ATAD2: variants seen among roughly 807,000 people sequenced by gnomAD.
The protein encoded by ATAD2 is ATPase family AAA domain containing 2.
In ATAD2, 62 loss-of-function variants were observed where a neutral mutation model predicts 168.9. The observed-to-expected ratio is 0.37, with a 90% confidence interval of 0.30 to 0.45. The LOEUF is 0.45. Ranked by LOEUF, ATAD2 falls within the 20% of genes least tolerant of loss-of-function variation. The probability of loss-of-function intolerance (pLI) is 1.00; values close to 1 mark genes in which losing one functional copy is unlikely to be tolerated. For missense variants in ATAD2, 1,419 were observed against 1,667.8 expected (o/e 0.85, Z 2.60); for synonymous variants, 613 against 571.6 (o/e 1.07, Z -1.03).
chr8:123,368,540 T>C (rs1238181409), intron 8 of ATAD2, among the ~76,000 whole-genome samples: 2 of 152,038 alleles, frequency 1.3e-5, no homozygotes, highest in Non-Finnish European at 2.9e-5. Context: ...AAATATTGAA[T>C]AGTCAAAGAA....
At position 123,336,391 on chromosome 8, in the gene ATAD2, G is replaced by C; in HGVS notation, c.3193C>G (p.Pro1065Ala). Residue 1065 changes from proline (P) to alanine (A), a missense_variant, in exon 22 of 28, where the codon CCA (proline) becomes GCA (alanine). Pro to Ala is a conservative substitution (Grantham distance 27). Around this residue, in one of 5 missense-constraint regions of ATAD2, gnomAD observed 545 missense variants for 724.9 expected, o/e 0.75. Coordinates refer to ENST00000287394, the MANE Select transcript of ATAD2 (RefSeq NM_014109.4). ...LICSNALEYN[P>A]DRDPGDRLIR... ...TGCTCACCTCCAGGATCTCTATCTG[G>C]ATTGTATTCTAAGGCATTACTACAG... 1 of 1,580,230 alleles carries C rather than the reference G, an allele frequency of 6.3e-7. No homozygotes were observed. The highest frequency in any genetic ancestry group is 8.5e-7 in the Non-Finnish European group (1 of 1,169,962).
In ATAD2 at chr8:123,319,972, A is replaced by G. The variant is rs1827425247; in HGVS notation, c.*1162T>C. On this transcript the variant is annotated 3_prime_UTR_variant, in exon 28 of 28. Transcript: ENST00000287394. Reference sequence around the variant, plus strand: ...TAAACCAACAAAAATGAGAATGTGTATCTCCAGGAATATAAATATATTTAA... The same window carrying G: ...TAAACCAACAAAAATGAGAATGTGTGTCTCCAGGAATATAAATATATTTAA... 6.6e-6 allele frequency: 1 copy of G among 152,210 alleles called. No homozygotes were observed. The allele number at this position is 152,210 out of a possible 1,614,324, so 9.4% of individuals were successfully genotyped here.
At chr8:123,334,700 G>A (rs1383252080) in intron 22 of ATAD2, among the ~76,000 whole-genome samples, 1 of 152,194 alleles carries the variant, frequency 6.6e-6, no homozygotes, top group Non-Finnish European at 1.5e-5. Context: ...ATTTATAGAG[G>A]TTGTTATTGC....
At chr8:123,371,070 TA>T in intron 5 of ATAD2, 80 bp from the exon 6 acceptor site, 1 of 1,216,016 alleles carries the variant, frequency 8.2e-7, no homozygotes, top group Non-Finnish European at 1.1e-6. Flanking sequence ...CAATCTTGTT[TA>T]AAATTAAGAT....
chr8:123,357,761 T>C lies in ATAD2; in HGVS notation c.1383-25A>G, dbSNP rs1049789043. On this transcript the variant is annotated intron_variant, in intron 11 of 27. Transcript: ENST00000287394. ...TCTGTAAAACAATACATTAACATTT[T>C]AGTATTACATTTAAAAAGCAGACTT... is the stretch of plus-strand genomic sequence containing the variant. 3.2e-6 allele frequency: 5 copies of C among 1,539,714 alleles called. No individual in the cohort carries two copies. The African/African-American group carries it at 7.0e-5, about 22-fold the overall frequency.
At chr8:123,367,803 A>G (rs1829027035) in intron 8 of ATAD2, among the ~76,000 whole-genome samples, 1 of 152,208 alleles carries the variant, frequency 6.6e-6, no homozygotes. Flanking sequence ...GATTCCTACA[A>G]TGAAATGAAA....
chr8:123,410,974 C>G (rs994647380), intron 1 of ATAD2, among the ~76,000 whole-genome samples: 1 of 152,210 alleles, frequency 6.6e-6, no homozygotes, highest in African/African-American at 2.4e-5. Flanking sequence ...GGTTCTCTTC[C>G]GTGACCCACG....
At chr8:123,382,223 T>C (rs1829512114) in intron 1 of ATAD2, among the ~76,000 whole-genome samples, 1 of 152,214 alleles carries the variant, frequency 6.6e-6, no homozygotes, top group African/African-American at 2.4e-5. Flanking sequence ...CTTTACTCTA[T>C]TGTCGAATGT....
chr8:123,375,575 C>T (rs1406868798), intron 2 of ATAD2, among the ~76,000 whole-genome samples: 1 of 152,206 alleles, frequency 6.6e-6, no homozygotes, highest in Non-Finnish European at 1.5e-5. Context: ...ACATTCATAT[C>T]ATTATTCATA....
At chr8:123,404,308 T>A (rs1458167704) in intron 1 of ATAD2, among the ~76,000 whole-genome samples, 1 of 152,152 alleles carries the variant, frequency 6.6e-6, no homozygotes, top group Non-Finnish European at 1.5e-5. Flanking sequence ...ACTTGGTGGC[T>A]TAAAACAACA....
intron 26 of ATAD2, among the ~76,000 whole-genome samples, chr8:123,323,394 G>A (rs966489651): frequency 1.3e-5 from 2 of 152,024 alleles, no homozygotes; most frequent in Non-Finnish European, 2.9e-5. Flanking sequence ...TTTTTGCAGG[G>A]GATTTTATGA....
In ATAD2 at chr8:123,346,123, C is replaced by T. The variant is rs1156528970; in HGVS notation, c.2495G>A (p.Gly832Glu). 6.3e-7 allele frequency: 1 copy of T among 1,591,138 alleles called. No homozygotes were observed. The highest frequency in any genetic ancestry group is 8.5e-7 in the Non-Finnish European group (1 of 1,171,048). ...TTCTTCAGGGGATGTAGTACTAACTCCAAAAAGAACAGGAATGTCTAATGT... is the reference window on the plus strand; with the variant it reads ...TTCTTCAGGGGATGTAGTACTAACTTCAAAAAGAACAGGAATGTCTAATGT... ...VYTLDIPVLFGVSTTSPEETC... is the reference protein window; with the variant it reads ...VYTLDIPVLFEVSTTSPEETC... Residue 832 changes from glycine (G) to glutamate (E), a missense_variant, in exon 18 of 28, where the codon GGA (glycine) becomes GAA (glutamate). By Grantham distance (98) the Gly-to-Glu change is moderately conservative. Transcript: ENST00000287394.
rs73323717 is a variant in ATAD2, at chr8:123,403,991, T to A, written c.-2281-2816A>T. 6.0e-3 allele frequency among the ~76,000 whole-genome samples: 913 copies of A among 152,302 alleles called. 13 individuals are homozygous for A. Among genetic ancestry groups the A allele is most frequent in the African/African-American group, 0.021 (873 of 41,580 alleles). On this transcript the variant is annotated intron_variant, in intron 1 of 28. Coordinates refer to the ATAD2 transcript ENST00000521903. ...AGCAGACTAAAAAGGCAACATGCTT[T>A]ACAGTGATTATTTTAGACACCTGCT...
chr8:123,404,082 T>C (rs1045476251), intron 1 of ATAD2, among the ~76,000 whole-genome samples: 15 of 152,182 alleles, frequency 9.9e-5, no homozygotes, highest in Non-Finnish European at 1.8e-4. Context: ...TCTACTTACA[T>C]TGTATTTATT....
Position 123,348,396 on chromosome 8 carries a change from G to C in ATAD2, c.1807-123C>G, listed in dbSNP as rs992922636. On this transcript the variant is annotated intron_variant, in intron 14 of 27. Coordinates refer to ENST00000287394, the MANE Select transcript of ATAD2 (RefSeq NM_014109.4). The stretch of plus-strand genomic sequence containing the variant: ...TTAAAGTGATCAGTACTTAATACTG[G>C]CCGGGTGCGGTGGCTCACACCTGTA... 1.4e-5 allele frequency: 10 copies of C among 709,502 alleles called. No homozygotes were observed. In the African/African-American group the frequency reaches 1.7e-4, roughly 12 times the overall value. 44.0% of individuals were successfully genotyped at this position (709,502 alleles called of 1,614,324 possible). A position where few individuals can be genotyped will look rare whatever the true frequency, so the allele number is the denominator to read the frequency against.
intron 1 of ATAD2, among the ~76,000 whole-genome samples, chr8:123,411,815 G>T (rs1480681411): frequency 6.6e-6 from 1 of 151,648 alleles, no homozygotes; most frequent in African/African-American, 2.4e-5. Flanking sequence ...GCTTATAATA[G>T]AAAGTTTAGA....
intron 1 of ATAD2, chr8:123,401,896 G>A (rs139764348): frequency 2.0e-5 from 15 of 767,712 alleles, no homozygotes; most frequent in Admixed American, 1.0e-4. Flanking sequence ...AGGGTGTCTC[G>A]GGCTCCATCC....
At chr8:123,324,779 T>C (rs1446901468) in intron 26 of ATAD2, among the ~76,000 whole-genome samples, 1 of 152,200 alleles carries the variant, frequency 6.6e-6, no homozygotes. Context: ...AGGATGTCAT[T>C]TTATTACAGT....
intron 1 of ATAD2, among the ~76,000 whole-genome samples, chr8:123,409,120 C>T (rs905340667): frequency 1.3e-5 from 2 of 152,182 alleles, no homozygotes; most frequent in African/African-American, 4.8e-5. Flanking sequence ...GCCACGGCCC[C>T]GGCTGATATA....
Sources: gnomAD v4.1 joint callset for allele counts (sites outside exome capture counted in the v4.1 genomes callset) on GRCh38, gnomAD v4.1.1 for gene constraint, gnomAD v4.1.1 regional missense constraint, MANE v1.5 for transcripts, NCBI Gene and HGNC (gene_info 2026-07-23, HGNC 2026-07-21) for gene names.